Variants in TRPM3 observed in about 807,000 individuals in gnomAD.
TRPM3 encodes transient receptor potential cation channel subfamily M member 3.
In TRPM3, 77 loss-of-function variants were observed where a neutral mutation model predicts 181.2. The observed-to-expected ratio is 0.42, with a 90% CI of 0.35 to 0.51. The LOEUF (loss-of-function observed/expected upper bound fraction) is 0.51, where lower values mean the gene tolerates loss of function less well. TRPM3 is among the 20% of genes least tolerant of loss of function. TRPM3 has a pLI of 0.01. For missense variants in TRPM3, 1,759 were observed against 2,196.7 expected (o/e 0.80, Z 3.98); for synonymous variants, 745 against 796.4 (o/e 0.94, Z 1.09).
At chr9:71,156,613 A>G (rs913502545) in intron 1 of TRPM3, among the ~76,000 whole-genome samples, 5 of 152,058 alleles carry the variant, frequency 3.3e-5, no homozygotes, top group African/African-American at 1.2e-4. Context: ...TACCAATACA[A>G]TCCCATATAA....
chr9:71,229,262 A>G (rs188527327), intron 1 of TRPM3, among the ~76,000 whole-genome samples: 12 of 152,310 alleles, frequency 7.9e-5, no homozygotes, highest in Admixed American at 4.6e-4. Flanking sequence ...CTGGATTTCC[A>G]TATGCAGAAG....
chr9:71,122,443 G>A (rs866793788), upstream of TRPM3, among the ~76,000 whole-genome samples: 5 of 152,216 alleles, frequency 3.3e-5, no homozygotes, highest in African/African-American at 1.2e-4. Flanking sequence ...GTACCCCCAG[G>A]CATCGGACCT....
intron 1 of TRPM3, among the ~76,000 whole-genome samples, chr9:71,167,574 A>G (rs1460626677): frequency 6.6e-6 from 1 of 152,178 alleles, no homozygotes; most frequent in Non-Finnish European, 1.5e-5. Context: ...CCTAAATTCA[A>G]CAATCTTCCA....
chr9:71,077,353 T>C (rs1237397430), intron 1 of TRPM3, among the ~76,000 whole-genome samples: 2 of 152,178 alleles, frequency 1.3e-5, no homozygotes, highest in Non-Finnish European at 2.9e-5. Flanking sequence ...GGGACAAACG[T>C]TATTACCTGT....
intron 1 of TRPM3, among the ~76,000 whole-genome samples, chr9:70,867,184 G>A (rs1446223556): frequency 1.3e-5 from 2 of 151,976 alleles, no homozygotes; most frequent in Non-Finnish European, 2.9e-5. Flanking sequence ...TCTCCTTGCG[G>A]TAAAGGATGA....
At chr9:70,694,212 A>T (rs1405801294) in intron 8 of TRPM3, among the ~76,000 whole-genome samples, 3 of 152,212 alleles carry the variant, frequency 2.0e-5, no homozygotes, top group Non-Finnish European at 4.4e-5. Flanking sequence ...AGGTCCTTTT[A>T]GTATGGCAGA....
intron 16 of TRPM3, among the ~76,000 whole-genome samples, chr9:70,619,654 A>G (rs755145385): frequency 4.0e-5 from 6 of 151,780 alleles, no homozygotes; most frequent in Non-Finnish European, 8.8e-5. Context: ...GGCTCAAACG[A>G]TCCACACACC....
chr9:70,860,862 TA>T (rs1252046332), intron 3 of TRPM3, among the ~76,000 whole-genome samples: 1 of 152,170 alleles, frequency 6.6e-6, no homozygotes, highest in African/African-American at 2.4e-5. Flanking sequence ...TCAAATCCTT[TA>T]CATAAGTCAT....
intron 1 of TRPM3, among the ~76,000 whole-genome samples, chr9:71,248,694 T>C (rs2082172752): frequency 6.6e-6 from 1 of 152,214 alleles, no homozygotes; most frequent in Non-Finnish European, 1.5e-5. Flanking sequence ...CTGCTTGATC[T>C]TCCCAGTCAG....
chr9:70,781,833 T>C (rs2082528418), intron 7 of TRPM3, among the ~76,000 whole-genome samples: 1 of 152,132 alleles, frequency 6.6e-6, no homozygotes, highest in South Asian at 2.1e-4. Context: ...TATTTTAACG[T>C]ATTTATATTT....
In TRPM3 at chr9:71,113,641, C is replaced by A. The variant is rs575692752; in HGVS notation, c.177+7537G>T. ...CATTTTTGGTATCTAAATTAGGTTT[C>A]CTGCATGATCCCTTAAAAAATAATT... On this transcript the variant is annotated intron_variant, in intron 1 of 25. Coordinates refer to ENST00000677713, the MANE Select transcript of TRPM3 (RefSeq NM_001366145.2). Among the ~76,000 whole-genome samples the A allele has an allele frequency of 3.9e-5, 6 of 152,218 alleles. No homozygotes were observed. In the East Asian group the frequency reaches 1.2e-3, roughly 29 times the overall value.
At chr9:71,233,480 A>G (rs576641162) in intron 1 of TRPM3, among the ~76,000 whole-genome samples, 10 of 152,354 alleles carry the variant, frequency 6.6e-5, no homozygotes, top group African/African-American at 2.4e-4. Context: ...AGCCATATTA[A>G]GATGTGAGAA....
At chr9:70,871,088 T>A (rs981655359) in intron 1 of TRPM3, among the ~76,000 whole-genome samples, 3 of 151,624 alleles carry the variant, frequency 2.0e-5, no homozygotes, top group African/African-American at 7.3e-5. Context: ...AGTTTTATAA[T>A]GTGGAGGGTG....
At chr9:71,159,657 T>C (rs2076182415) in intron 1 of TRPM3, among the ~76,000 whole-genome samples, 1 of 152,044 alleles carries the variant, frequency 6.6e-6, no homozygotes, top group African/African-American at 2.4e-5. Context: ...CAGTGAAAAA[T>C]AGCTTATACC....
chr9:71,026,316 G>T (rs1169315097), intron 1 of TRPM3, among the ~76,000 whole-genome samples: 1 of 152,122 alleles, frequency 6.6e-6, no homozygotes, highest in African/African-American at 2.4e-5. Context: ...CAGCCTGGCT[G>T]CACCTGCATG....
chr9:70,806,192 A>G (rs945240751), intron 6 of TRPM3, among the ~76,000 whole-genome samples: 8 of 152,126 alleles, frequency 5.3e-5, no homozygotes, highest in Non-Finnish European at 7.3e-5. Flanking sequence ...CGTGAAACTC[A>G]TTACGCAGCT....
At chr9:70,562,333 C>T (rs1287737814) in intron 22 of TRPM3, among the ~76,000 whole-genome samples, 1 of 152,120 alleles carries the variant, frequency 6.6e-6, no homozygotes, top group Non-Finnish European at 1.5e-5. Flanking sequence ...ATCCCAGGAG[C>T]CAACTGTAGG....
chr9:70,921,936 CAA>C (rs1491396945), intron 1 of TRPM3, among the ~76,000 whole-genome samples: 10,837 of 136,874 alleles, frequency 0.079, 344 homozygotes, highest in Middle Eastern at 0.11. Context: ...CACACACACA[CAA>C]ACAAACACAC....
At chr9:71,159,516 T>TA (rs549818428) in intron 1 of TRPM3, among the ~76,000 whole-genome samples, 24 of 152,208 alleles carry the variant, frequency 1.6e-4, no homozygotes, top group African/African-American at 5.8e-4. Context: ...CACATATGTT[T>TA]AAAAAAATCC....
Sources: gnomAD v4.1 joint callset for allele counts (sites outside exome capture counted in the v4.1 genomes callset) on GRCh38, gnomAD v4.1.1 for gene constraint, MANE v1.5 for transcripts, NCBI Gene and HGNC (gene_info 2026-07-23, HGNC 2026-07-21) for gene names.